The following PHF3 variants were observed in gnomAD, a reference collection of about 807,000 sequenced individuals.
PHF3 encodes the protein PHD finger protein 3.
Under a neutral mutation model 178.4 loss-of-function variants are expected in PHF3, and 41 were observed. The ratio of observed to expected loss-of-function variants is 0.23; its 90% CI spans 0.18 to 0.30. PHF3 has a LOEUF of 0.30. Among genes scored for constraint, PHF3 ranks in the 10% least tolerant of loss-of-function variants. PHF3 has a pLI of 1.00. For missense variants in PHF3, 2,346 were observed against 2,398.1 expected (o/e 0.98, Z 0.45); for synonymous variants, 842 against 800.5 (o/e 1.05, Z -0.88).
Position 63,721,688 on chromosome 6 carries a change from A to G in PHF3, c.*7980A>G, listed in dbSNP as rs1290840039. On this transcript the variant is annotated 3_prime_UTR_variant, in exon 16 of 16. Coordinates refer to ENST00000262043, the MANE Select transcript of PHF3 (RefSeq NM_001370348.2). ...TTCCTGCTTTTATTATATGCCAAGT[A>G]CTTCCGTTTATAGTTACTTTTTGGA... The G allele has an allele frequency of 6.4e-7, 1 of 1,551,426 alleles. No individual in the cohort carries two copies. Among genetic ancestry groups the G allele is most frequent in the Non-Finnish European group, 8.7e-7 (1 of 1,146,764 alleles).
chr6:63,693,977 C>A (rs559801953), intron 5 of PHF3, among the ~76,000 whole-genome samples: 1 of 152,212 alleles, frequency 6.6e-6, no homozygotes, highest in Non-Finnish European at 1.5e-5. Context: ...TTAGAGGATT[C>A]TTAGTCTAGA....
chr6:63,683,970 G>GTA (rs1766552385), intron 3 of PHF3, among the ~76,000 whole-genome samples, 159 bp from the exon 4 acceptor site: 1 of 151,922 alleles, frequency 6.6e-6, no homozygotes, highest in South Asian at 2.1e-4. Context: ...ATATATATGT[G>GTA]TATATATATC....
chr6:63,697,569 G>A (rs1186514568), intron 6 of PHF3, among the ~76,000 whole-genome samples: 1 of 152,098 alleles, frequency 6.6e-6, no homozygotes, highest in African/African-American at 2.4e-5. Context: ...GATAAAAGTT[G>A]GCTTTGAGCA....
intron 2 of PHF3, among the ~76,000 whole-genome samples, chr6:63,668,876 T>C (rs1765790018): frequency 6.6e-6 from 1 of 152,208 alleles, no homozygotes; most frequent in Non-Finnish European, 1.5e-5. Flanking sequence ...AATTTTGGCC[T>C]TAGGACCATA....
At chr6:63,673,449 G>GTTTCT (rs1412464574) in intron 2 of PHF3, among the ~76,000 whole-genome samples, 1 of 151,778 alleles carries the variant, frequency 6.6e-6, no homozygotes, top group African/African-American at 2.4e-5. Flanking sequence ...AAAAATCACC[G>GTTTCT]TTTCTTCTCG....
chr6:63,706,835 A>G lies in PHF3; in HGVS notation c.3670A>G (p.Lys1224Glu), dbSNP rs756724182. 2 of 1,614,038 alleles carry G rather than the reference A, an allele frequency of 1.2e-6. No homozygotes were observed. Among genetic ancestry groups the G allele is most frequent in the Non-Finnish European group, 1.7e-6 (2 of 1,179,944 alleles). ...GCCTTCTGTGGCAAAATTTGTTACC[A>G]AAGCCTATCCAGTATCTGGCTCCCC... ...NMPSVAKFVT[K>E]AYPVSGSPEY... Residue 1224 changes from lysine to glutamate, a missense_variant, in exon 13 of 16, where the codon AAA becomes GAA. Physicochemically the swap from Lys to Glu is moderately conservative, Grantham distance 56. Around this residue, in one of 8 missense-constraint regions of PHF3, gnomAD observed 205 missense variants for 212.4 expected, o/e 0.97. Transcript: ENST00000262043.
chr6:63,720,588 G>C lies in PHF3; in HGVS notation c.*6880G>C. ...TGTATAGTGTGTACTAAAATCTCTA[G>C]TGTTAACTTATGTAACCTCATTTTG... is the stretch of plus-strand genomic sequence containing the variant. On this transcript the variant is annotated 3_prime_UTR_variant, in exon 16 of 16. Coordinates refer to ENST00000262043, the MANE Select transcript of PHF3 (RefSeq NM_001370348.2). 6.9e-7 allele frequency: 1 copy of C among 1,453,942 alleles called. No individual in the cohort carries two copies. The highest frequency in any genetic ancestry group is 9.1e-7 in the Non-Finnish European group (1 of 1,095,204). The allele number at this position is 1,453,942 out of a possible 1,614,324, so 90.1% of individuals were successfully genotyped here.
At chr6:63,701,333 C>T (rs2149601481) in intron 9 of PHF3, among the ~76,000 whole-genome samples, 1 of 152,202 alleles carries the variant, frequency 6.6e-6, no homozygotes, top group East Asian at 1.9e-4. Flanking sequence ...AGAGTGTGTG[C>T]ACCATATTTC....
At chr6:63,659,018 T>A (rs999223251) in intron 2 of PHF3, among the ~76,000 whole-genome samples, 3 of 152,190 alleles carry the variant, frequency 2.0e-5, no homozygotes, top group African/African-American at 2.4e-5. Context: ...GTAATCTTTT[T>A]TACTCAAGTC....
intron 2 of PHF3, among the ~76,000 whole-genome samples, chr6:63,679,194 A>G (rs1353326114): frequency 6.6e-6 from 1 of 151,816 alleles, no homozygotes; most frequent in Non-Finnish European, 1.5e-5. Context: ...ATACAACTGC[A>G]CATTTAGAAT....
intron 2 of PHF3, among the ~76,000 whole-genome samples, chr6:63,659,025 A>G (rs367877580): frequency 2.3e-3 from 343 of 152,244 alleles, no homozygotes; most frequent in Middle Eastern, 3.4e-3. Flanking sequence ...TTTTTACTCA[A>G]GTCTTTTGGT....
chr6:63,670,704 C>T (rs1377068827), intron 2 of PHF3, among the ~76,000 whole-genome samples: 1 of 152,188 alleles, frequency 6.6e-6, no homozygotes, highest in Non-Finnish European at 1.5e-5. Context: ...TGCACTCATG[C>T]ATTTGTTCAT....
chr6:63,670,295 T>C (rs1402680325), intron 2 of PHF3, among the ~76,000 whole-genome samples: 1 of 152,002 alleles, frequency 6.6e-6, no homozygotes, highest in African/African-American at 2.4e-5. Context: ...TGAGATGGAG[T>C]CTCGCTCTTA....
At chr6:63,693,239 C>A (rs1311892914) in intron 5 of PHF3, among the ~76,000 whole-genome samples, 2 of 152,182 alleles carry the variant, frequency 1.3e-5, no homozygotes, top group Non-Finnish European at 2.9e-5. Flanking sequence ...CGTACAGCTT[C>A]TTGGCCATAT....
At chr6:63,676,121 G>A (rs1295871698) in intron 2 of PHF3, among the ~76,000 whole-genome samples, 3 of 152,086 alleles carry the variant, frequency 2.0e-5, no homozygotes, top group Admixed American at 6.6e-5. Context: ...CAACTTCTCT[G>A]TTTGGTCAAT....
At chr6:63,700,915 T>C (rs1386168808) in intron 9 of PHF3, among the ~76,000 whole-genome samples, 2 of 152,188 alleles carry the variant, frequency 1.3e-5, no homozygotes, top group African/African-American at 2.4e-5. Flanking sequence ...CTCTAGTTCT[T>C]AAATTCTGTT....
chr6:63,713,879 C>T lies in PHF3; in HGVS notation c.*171C>T, dbSNP rs1481968626. 7 of 473,020 alleles carry T rather than the reference C, an allele frequency of 1.5e-5. 1 individual carries two copies. In the South Asian group the frequency reaches 2.8e-4, roughly 19 times the overall value. 29.3% of individuals were successfully genotyped at this position (473,020 alleles called of 1,614,324 possible). On this transcript the variant is annotated 3_prime_UTR_variant, in exon 16 of 16. Coordinates refer to ENST00000262043, the MANE Select transcript of PHF3 (RefSeq NM_001370348.2). ...GTACAGAGTGCTCTGTACCAGTGCT[C>T]ATCATCCCTTCTTCATACCAACGGT...
At position 63,684,668 on chromosome 6, in the gene PHF3, A is replaced by G. The variant is rs1766596501; in HGVS notation, c.946A>G (p.Arg316Gly). Residue 316 changes from arginine (R) to glycine (G), a missense_variant, in exon 4 of 16, where the codon AGA becomes GGA. By Grantham distance (125) the Arg-to-Gly change is moderately radical. Transcript: ENST00000262043. ...TGTTGTTGAAGAAATGATAGCAACA[A>G]GAAAAGTTGAACAAGATTCAAAGGA... ...ETVVEEMIATRKVEQDSKETV... is the reference protein window; with the variant it reads ...ETVVEEMIATGKVEQDSKETV... 4 of 1,613,860 alleles carry G rather than the reference A, an allele frequency of 2.5e-6. No homozygotes were observed. The highest frequency in any genetic ancestry group is 3.4e-6 in the Non-Finnish European group (4 of 1,179,884).
chr6:63,696,371 G>A (rs149254537), intron 6 of PHF3, among the ~76,000 whole-genome samples: 17 of 152,282 alleles, frequency 1.1e-4, no homozygotes, highest in African/African-American at 4.1e-4. Context: ...CCAGGCTTGA[G>A]TGCAGTAGTG....
Sources: allele counts gnomAD v4.1 joint callset (sites outside exome capture counted in the v4.1 genomes callset), GRCh38; gene constraint gnomAD v4.1.1; regional missense constraint gnomAD v4.1.1; transcripts MANE v1.5; gene names NCBI Gene and HGNC (gene_info 2026-07-23, HGNC 2026-07-21).